ANOS1: variants seen among roughly 807,000 people sequenced by gnomAD.
ANOS1 encodes anosmin 1, also known as anosmin-1.
Under a neutral mutation model 59.0 loss-of-function variants are expected in ANOS1, and 6 were observed. The observed-to-expected ratio is 0.10, with a 90% CI of 0.06 to 0.20. ANOS1 has a LOEUF of 0.20. ANOS1 is among the 10% of genes least tolerant of loss of function. ANOS1 has a pLI of 1.00. For missense variants in ANOS1, 433 were observed against 542.3 expected (o/e 0.80, Z 2.00); for synonymous variants, 217 against 223.4 (o/e 0.97, Z 0.25).
intron 2 of ANOS1, among the ~76,000 whole-genome samples, chrX:8,692,543 C>G (rs1932623785): frequency 9.0e-6 from 1 of 111,042 alleles, no homozygotes; most frequent in African/African-American, 3.3e-5. Flanking sequence ...CCCTCCTCAC[C>G]CACACATATG....
At chrX:8,596,988 T>C in intron 4 of ANOS1, 46 bp downstream of exon 4, 2 of 1,209,299 alleles carry the variant, frequency 1.7e-6, no homozygotes, top group Non-Finnish European at 2.2e-6. Flanking sequence ...CACACAGATA[T>C]ATGTGACACT....
At chrX:8,610,006 CAAAAAAAAAAAAAAA>C (rs1167209336) in intron 3 of ANOS1, among the ~76,000 whole-genome samples, 2 of 9,160 alleles carry the variant, frequency 2.2e-4, no homozygotes, top group Non-Finnish European at 2.8e-4. Context: ...GACTCCATCT[CAAAAAAAAAAAAAAA>C]AAAAAAAAAA....
At chrX:8,667,703 C>T (rs984616441) in intron 2 of ANOS1, among the ~76,000 whole-genome samples, 8 of 111,106 alleles carry the variant, frequency 7.2e-5, no homozygotes, top group African/African-American at 2.3e-4. Context: ...ATGGGGGTTG[C>T]TTCTTAGAAG....
At chrX:8,680,295 A>G (rs1473422329) in intron 2 of ANOS1, among the ~76,000 whole-genome samples, 1 of 109,359 alleles carries the variant, frequency 9.1e-6, no homozygotes, top group Non-Finnish European at 1.9e-5. Context: ...CATAGCTCTC[A>G]GTGGTAAATT....
At position 8,573,388 on chromosome X, in the gene ANOS1, A is replaced by G. The variant is rs1455541558; in HGVS notation, c.857-2684T>C. On this transcript the variant is annotated intron_variant, in intron 6 of 13. Transcript: ENST00000262648. ...TCTACTGGATTTTCATTCAGTTTCAACAGAAGCTATTTTTCAGCCCCATGC... is the reference window on the plus strand; with the variant it reads ...TCTACTGGATTTTCATTCAGTTTCAGCAGAAGCTATTTTTCAGCCCCATGC... 2.7e-5 allele frequency among the ~76,000 whole-genome samples: 3 copies of G among 110,709 alleles called. No homozygotes were observed. The East Asian group carries it at 8.6e-4, about 32-fold the overall frequency.
intron 1 of ANOS1, among the ~76,000 whole-genome samples, chrX:8,727,929 T>C (rs1602048256): frequency 8.9e-6 from 1 of 112,854 alleles, no homozygotes. Flanking sequence ...TAAAATTTTC[T>C]TCACTGAGAA....
At chrX:8,669,013 C>A (rs1390948976) in intron 2 of ANOS1, among the ~76,000 whole-genome samples, 1 of 112,179 alleles carries the variant, frequency 8.9e-6, no homozygotes, top group Admixed American at 9.4e-5. Context: ...CGCCTGACGG[C>A]CTTTTGCCCA....
At chrX:8,591,233 G>A (rs1930610765) in intron 4 of ANOS1, among the ~76,000 whole-genome samples, 1 of 111,465 alleles carries the variant, frequency 9.0e-6, no homozygotes, top group South Asian at 3.8e-4. Context: ...GCCTGCATAT[G>A]CCAGACAAAT....
At chrX:8,538,401 C>T (rs1929631116) in intron 10 of ANOS1, among the ~76,000 whole-genome samples, 1 of 112,047 alleles carries the variant, frequency 8.9e-6, no homozygotes, top group Non-Finnish European at 1.9e-5. Flanking sequence ...CAGATAAGTT[C>T]TAAACCCCTA....
intron 2 of ANOS1, among the ~76,000 whole-genome samples, chrX:8,675,328 T>A (rs1932319301): frequency 8.9e-6 from 1 of 111,980 alleles, no homozygotes; most frequent in African/African-American, 3.3e-5. Flanking sequence ...ACTGATCATA[T>A]GCTGCCTGCC....
chrX:8,597,255 G>A lies in ANOS1; in HGVS notation c.320C>T (p.Pro107Leu), dbSNP rs770780479. ...TTCGTAGCTCTTCTTGGGGAAGAGA[G>A]GCTAAGTCAAAGAAGAATTTTAAAA... ...RKHQCQSFCE[P>L]LFPKKSYECL... The change falls in exon 4 of 14, where the codon CCT (proline) becomes CTT (leucine). Residue 107 changes from proline to leucine, a missense_variant and splice_region_variant. Coordinates refer to ENST00000262648, the MANE Select transcript of ANOS1 (RefSeq NM_000216.4). The A allele has an allele frequency of 3.3e-6, 4 of 1,198,685 alleles. No individual in the cohort carries two copies. The highest frequency in any genetic ancestry group is 3.6e-5 in the South Asian group (2 of 56,231).
rs143406724 is a variant in ANOS1, at chrX:8,570,518, C to T, written c.1043G>A (p.Arg348Gln). ...SKSLVPTKKK[R>Q]RKTTDGFQNS... ...ACTCACCCCATCCGTAGTCTTTCTC[C>T]GCTTCTTCTTTGTTGGGACAAGAGA... is the stretch of plus-strand genomic sequence containing the variant. Residue 348 changes from arginine (R) to glutamine (Q), a missense_variant, in exon 7 of 14, where the codon CGG becomes CAG. By Grantham distance (43) the Arg-to-Gln change is conservative (BLOSUM62 1). Transcript: ENST00000262648. 1.3e-5 allele frequency: 16 copies of T among 1,208,038 alleles called. No individual in the cohort carries two copies. Among genetic ancestry groups the T allele is most frequent in the Admixed American group, 6.6e-5 (3 of 45,729 alleles).
Position 8,552,026 on chromosome X carries a change from G to A in ANOS1, c.1354+1926C>T, listed in dbSNP as rs192947253. Among the ~76,000 whole-genome samples the A allele has an allele frequency of 3.6e-5, 4 of 112,370 alleles. No individual in the cohort carries two copies. In the Admixed American group the frequency reaches 3.7e-4, roughly 11 times the overall value. On this transcript the variant is annotated intron_variant, in intron 9 of 13. Coordinates refer to ENST00000262648, the MANE Select transcript of ANOS1 (RefSeq NM_000216.4). Reference sequence around the variant, plus strand: ...TACTATATTAAAAGCACTCATGCAGGACAGAGTAGCTAAAGAGTTGAAAGA... The same window carrying A: ...TACTATATTAAAAGCACTCATGCAGAACAGAGTAGCTAAAGAGTTGAAAGA...
At chrX:8,695,699 GAAAAAAAAAAA>G (rs774226890) in intron 2 of ANOS1, among the ~76,000 whole-genome samples, 2 of 51,773 alleles carry the variant, frequency 3.9e-5, no homozygotes, top group Non-Finnish European at 7.7e-5. Flanking sequence ...TATAAGGGTG[GAAAAAAAAAAA>G]AAAAAAAAAC....
chrX:8,707,488 A>G (rs1238492920), intron 1 of ANOS1, among the ~76,000 whole-genome samples: 2 of 111,355 alleles, frequency 1.8e-5, no homozygotes, highest in Non-Finnish European at 3.8e-5. Context: ...TTTGGGATCA[A>G]ATATACGTTA....
At chrX:8,672,108 C>A (rs1932264890) in intron 2 of ANOS1, among the ~76,000 whole-genome samples, 1 of 111,064 alleles carries the variant, frequency 9.0e-6, no homozygotes, top group Non-Finnish European at 1.9e-5. Flanking sequence ...AAATCTCTTC[C>A]TGGAAGAAAT....
chrX:8,577,192 A>G (rs761741625), intron 6 of ANOS1, among the ~76,000 whole-genome samples: 14 of 112,207 alleles, frequency 1.2e-4, no homozygotes, highest in Non-Finnish European at 2.4e-4. Context: ...CCCTAATTTT[A>G]CAAACATACA....
intron 4 of ANOS1, among the ~76,000 whole-genome samples, chrX:8,593,580 C>G (rs771800015): frequency 8.9e-6 from 1 of 111,832 alleles, no homozygotes; most frequent in South Asian, 3.7e-4. Flanking sequence ...ATTCATTAGC[C>G]TAAAATGATT....
At chrX:8,683,363 A>C (rs1176903966) in intron 2 of ANOS1, among the ~76,000 whole-genome samples, 1 of 111,082 alleles carries the variant, frequency 9.0e-6, no homozygotes, top group Non-Finnish European at 1.9e-5. Context: ...GAGCACTAGT[A>C]AGTAACTCGG....
Sources: allele counts gnomAD v4.1 joint callset (sites outside exome capture counted in the v4.1 genomes callset), GRCh38; gene constraint gnomAD v4.1.1; transcripts MANE v1.5; gene names NCBI Gene and HGNC (gene_info 2026-07-23, HGNC 2026-07-21).